Variants in SCML4 observed in about 807,000 individuals in gnomAD.
SCML4 encodes the protein sex comb on midleg-like protein 4.
In SCML4, 34 loss-of-function variants were observed where a neutral mutation model predicts 41.1. The observed-to-expected ratio is 0.83, with a 90% CI of 0.63 to 1.10. SCML4 has a LOEUF of 1.10. SCML4 is among the 50% of genes least tolerant of loss of function. The pLI is 0.00. For synonymous variants in SCML4, 214 were observed against 220.9 expected (o/e 0.97, Z 0.28); for missense variants, 522 against 534.1 (o/e 0.98, Z 0.22).
chr6:107,769,868 T>C (rs1050933728), intron 2 of SCML4, among the ~76,000 whole-genome samples: 5 of 152,164 alleles, frequency 3.3e-5, no homozygotes, highest in Non-Finnish European at 7.4e-5. Context: ...GCAAGAAACA[T>C]GTTAACAAAA....
At chr6:107,771,142 C>A (rs569951638) in intron 2 of SCML4, among the ~76,000 whole-genome samples, 37 of 152,276 alleles carry the variant, frequency 2.4e-4, no homozygotes, top group African/African-American at 8.9e-4. Flanking sequence ...GCCTTCCTCC[C>A]ACCTACTGAT....
At chr6:107,841,896 G>A in the SCML4 span, among the ~76,000 whole-genome samples, 2 of 152,140 alleles carry the variant, frequency 1.3e-5, no homozygotes, top group East Asian at 3.9e-4. Context: ...ATGGGAAGTG[G>A]TAGGAAGGTT....
chr6:107,845,470 G>A, the SCML4 span, among the ~76,000 whole-genome samples: 1 of 152,302 alleles, frequency 6.6e-6, no homozygotes, highest in Non-Finnish European at 1.5e-5. Context: ...GAAAGGTGAC[G>A]GTTCTCCGGA....
chr6:107,826,561 G>A (rs956882491), upstream of SCML4, among the ~76,000 whole-genome samples: 1 of 152,282 alleles, frequency 6.6e-6, no homozygotes, highest in South Asian at 2.1e-4. Flanking sequence ...AGAAGTAAAA[G>A]GGTTGGCAGA....
At chr6:107,780,637 G>T (rs1781410059) in intron 1 of SCML4, among the ~76,000 whole-genome samples, 1 of 152,032 alleles carries the variant, frequency 6.6e-6, no homozygotes, top group Non-Finnish European at 1.5e-5. Flanking sequence ...AGCCCGGGAA[G>T]TTGAGGCTGC....
At chr6:107,811,041 C>T (rs546179972) in intron 1 of SCML4, among the ~76,000 whole-genome samples, 222 of 152,144 alleles carry the variant, frequency 1.5e-3, no homozygotes, top group African/African-American at 5.1e-3. Flanking sequence ...AAGTAAGAGA[C>T]ATCAGGAGTG....
At chr6:107,727,772 C>T (rs745453559) in intron 5 of SCML4, among the ~76,000 whole-genome samples, 4 of 152,228 alleles carry the variant, frequency 2.6e-5, no homozygotes, top group Non-Finnish European at 2.9e-5. Context: ...GGAAAACTCA[C>T]GTGTATTGAA....
rs148217665 is a variant in SCML4, at chr6:107,765,789, G to T, written c.156+6383C>A. Among the ~76,000 whole-genome samples, 638 of 152,250 alleles carry T rather than the reference G, an allele frequency of 4.2e-3. 5 individuals are homozygous for T. Among genetic ancestry groups the T allele is most frequent in the Non-Finnish European group, 7.4e-3 (505 of 68,018 alleles). ...CCATATTCAGGGATGTGAATTCATT[G>T]GTGGCTCAATATTGGCCATGAAGGG... On this transcript the variant is annotated intron_variant, in intron 2 of 7. Coordinates refer to ENST00000369020, the MANE Select transcript of SCML4 (RefSeq NM_198081.5).
In SCML4 at chr6:107,720,950, G is replaced by A; in HGVS notation, c.726C>T (p.Gly242=). Residue 242 remains glycine (G), a synonymous_variant, in exon 6 of 8, where the codon GGC becomes GGT. Transcript: ENST00000369020. ...TTEEYLVNPV[G]MNRYSVDTSA... Reference sequence around the variant, plus strand: ...AGGTGTCCACGCTGTAGCGGTTCATGCCCACAGGGTTCACCAGGTACTCTT... The same window carrying A: ...AGGTGTCCACGCTGTAGCGGTTCATACCCACAGGGTTCACCAGGTACTCTT... 2 of 1,613,826 alleles carry A rather than the reference G, an allele frequency of 1.2e-6. No homozygotes were observed. The highest frequency in any genetic ancestry group is 1.7e-6 in the Non-Finnish European group (2 of 1,179,812).
chr6:107,836,842 T>C, the SCML4 span, among the ~76,000 whole-genome samples: 2 of 152,226 alleles, frequency 1.3e-5, no homozygotes, highest in Non-Finnish European at 2.9e-5. Context: ...TGTACATGTC[T>C]TGTTAAATCC....
chr6:107,839,370 AAAG>A, the SCML4 span, among the ~76,000 whole-genome samples: 2 of 145,730 alleles, frequency 1.4e-5, no homozygotes, highest in South Asian at 4.3e-4. Flanking sequence ...AGAAAGAAGG[AAAG>A]AAAGAAAGAA....
intron 1 of SCML4, among the ~76,000 whole-genome samples, chr6:107,791,764 G>A (rs1782348179): frequency 6.6e-6 from 1 of 152,028 alleles, no homozygotes; most frequent in South Asian, 2.1e-4. Flanking sequence ...GACCAGCCTG[G>A]GCAACATGGC....
intron 1 of SCML4, among the ~76,000 whole-genome samples, chr6:107,789,974 G>T (rs1452229767): frequency 2.6e-5 from 4 of 152,254 alleles, no homozygotes; most frequent in African/African-American, 7.2e-5. Context: ...CCACCGTATA[G>T]ATGGAGAGTC....
intron 3 of SCML4, among the ~76,000 whole-genome samples, chr6:107,748,324 G>A (rs1010000415): frequency 6.6e-6 from 1 of 152,166 alleles, no homozygotes; most frequent in African/African-American, 2.4e-5. Flanking sequence ...TGCTGAAGAG[G>A]GACTTTAAGA....
At chr6:107,769,881 T>C (rs6568496) in intron 2 of SCML4, among the ~76,000 whole-genome samples, 151,974 of 152,334 alleles carry the variant, frequency 1, 75,810 homozygotes, top group Middle Eastern at 1. Context: ...TAACAAAAAA[T>C]GTAAACAAAT....
At chr6:107,736,151 C>T (rs369358351) in intron 5 of SCML4, among the ~76,000 whole-genome samples, 13 of 152,244 alleles carry the variant, frequency 8.5e-5, no homozygotes, top group Middle Eastern at 3.4e-3. Context: ...CACAAGGACA[C>T]GGGGAAAACA....
At chr6:107,758,750 C>T (rs1489427545) in intron 2 of SCML4, among the ~76,000 whole-genome samples, 1 of 152,072 alleles carries the variant, frequency 6.6e-6, no homozygotes, top group East Asian at 1.9e-4. Flanking sequence ...AGAAAGGACC[C>T]TCCCCTGGAG....
intron 5 of SCML4, among the ~76,000 whole-genome samples, chr6:107,721,982 C>CTTTTT (rs10649065): frequency 2.2e-5 from 3 of 135,962 alleles, no homozygotes; most frequent in Non-Finnish European, 3.1e-5. Flanking sequence ...ACTTATCATA[C>CTTTTT]TTTTTTTTTT....
At chr6:107,822,508 C>CTTTTTTTTTTTTTTTTTT (rs10677944) in intron 1 of SCML4, among the ~76,000 whole-genome samples, 11 of 137,996 alleles carry the variant, frequency 8.0e-5, no homozygotes, top group Admixed American at 2.9e-4. Flanking sequence ...TTTTTCTTTT[C>CTTTTTTTTTTTTTTTTTT]TTTTTTTTTT....
Sources: gnomAD v4.1 joint callset for allele counts (sites outside exome capture counted in the v4.1 genomes callset) on GRCh38, gnomAD v4.1.1 for gene constraint, MANE v1.5 for transcripts, NCBI Gene and HGNC (gene_info 2026-07-23, HGNC 2026-07-21) for gene names.